The following SPTBN5 variants were observed in gnomAD, a reference collection of about 807,000 sequenced individuals.
SPTBN5 encodes spectrin beta chain, non-erythrocytic 5.
Under a neutral mutation model 477.6 loss-of-function variants are expected in SPTBN5, and 513 were observed. The ratio of observed to expected loss-of-function variants is 1.07; its 90% CI spans 1.00 to 1.16. SPTBN5 has a LOEUF of 1.16. SPTBN5 is among the 50% of genes most tolerant of loss of function. The probability of loss-of-function intolerance (pLI) is 0.00; values close to 1 mark genes in which losing one functional copy is unlikely to be tolerated. For synonymous variants in SPTBN5, 2,169 were observed against 2,011.7 expected (o/e 1.08, Z -2.09); for missense variants, 5,062 against 4,731.8 (o/e 1.07, Z -2.05).
At chr15:41,875,705 G>C in intron 21 of SPTBN5, 83 bp from the exon 22 acceptor site, 1 of 1,417,012 alleles carries the variant, frequency 7.1e-7, no homozygotes, top group Non-Finnish European at 9.4e-7. Flanking sequence ...CTGGGTGGCA[G>C]TGGAGGTGAG....
chr15:41,866,217 G>C lies in SPTBN5; in HGVS notation c.6643C>G (p.Leu2215Val), dbSNP rs776646344. Residue 2215 changes from leucine to valine, a missense_variant, in exon 38 of 68, where the codon CTC (leucine) becomes GTC (valine). Physicochemically the swap from Leu to Val is conservative, Grantham distance 32 (BLOSUM62 1). Transcript: ENST00000320955. ...GCTCGAGGGTGACTCTGTGCCAGGA[G>C]AGCCTCTCCCTTCTGGAGGGAGAGA... ...MTSVAKKGEA[L>V]LAQSHPRAGE... 3 of 1,591,594 alleles carry C rather than the reference G, an allele frequency of 1.9e-6. No homozygotes were observed. The South Asian group carries it at 3.4e-5, about 18-fold the overall frequency.
intron 56 of SPTBN5, among the ~76,000 whole-genome samples, 198 bp downstream of exon 56, chr15:41,854,584 A>G (rs1425031610): frequency 1.3e-5 from 2 of 151,900 alleles, no homozygotes; most frequent in Non-Finnish European, 2.9e-5. Flanking sequence ...GCCCCAGCCC[A>G]GGACCTACAG....
At position 41,852,942 on chromosome 15, in the gene SPTBN5, G is replaced by C; in HGVS notation, c.10229C>G (p.Ala3410Gly). The change falls in exon 60 of 68, where the codon GCC becomes GGC. Residue 3410 changes from alanine to glycine, a missense_variant. Coordinates refer to ENST00000320955, the MANE Select transcript of SPTBN5 (RefSeq NM_016642.4). ...CTCGGCACAGCGTTGCCAGCGCAGG[G>C]CCCAAGCCTCCTCCAGCTCCTGCAG... ...GRLQELEEAWALRWQRCAESW... is the reference protein window; with the variant it reads ...GRLQELEEAWGLRWQRCAESW... The C allele has an allele frequency of 6.3e-7, 1 of 1,576,644 alleles. No homozygotes were observed. Among genetic ancestry groups the C allele is most frequent in the Admixed American group, 1.9e-5 (1 of 53,526 alleles).
chr15:41,887,652 G>A lies in SPTBN5; in HGVS notation c.660-211C>T, dbSNP rs79585866. ...GCACAGGGACCAGGCTGGGGGGCTG[G>A]AGGAATCTCCAAAGGGCAGGTGCTG... On this transcript the variant is annotated intron_variant, in intron 5 of 67. Transcript: ENST00000320955. Among the ~76,000 whole-genome samples, 552 of 152,336 alleles carry A rather than the reference G, an allele frequency of 3.6e-3. 5 individuals carry two copies. The highest frequency in any genetic ancestry group is 0.012 in the African/African-American group (519 of 41,562).
intron 66 of SPTBN5, 166 bp downstream of exon 66, chr15:41,850,688 C>T (rs1375004774): frequency 7.7e-6 from 5 of 651,838 alleles, no homozygotes; most frequent in African/African-American, 3.6e-5. Context: ...AGTTGCGTAA[C>T]CTCTCCAGGA....
At chr15:41,849,550 A>G (rs2065678907) in intron 67 of SPTBN5, among the ~76,000 whole-genome samples, 1 of 152,144 alleles carries the variant, frequency 6.6e-6, no homozygotes, top group African/African-American at 2.4e-5. Flanking sequence ...GGCAGAGGGA[A>G]ACCTGGCTGC....
chr15:41,854,331 C>G, intron 56 of SPTBN5, 126 bp from the exon 57 acceptor site: 2 of 1,137,094 alleles, frequency 1.8e-6, no homozygotes, highest in Non-Finnish European at 2.4e-6. Context: ...GATGTGTCCC[C>G]AGGTACAGAA....
Position 41,874,348 on chromosome 15 carries a change from G to T in SPTBN5, c.4633C>A (p.Pro1545Thr). The T allele has an allele frequency of 6.2e-7, 1 of 1,613,882 alleles. No individual in the cohort carries two copies. Residue 1545 changes from proline to threonine, a missense_variant, in exon 24 of 68, where the codon CCC (proline) becomes ACC (threonine). Pro to Thr is a conservative substitution (Grantham distance 38). Coordinates refer to ENST00000320955, the MANE Select transcript of SPTBN5 (RefSeq NM_016642.4). ...WVAEHMPHGS[P>T]TSYTECLNGA... ...TTCAAGCACTCGGTATAGCTGGTGGGGCTGCCATGGGGCATGTGCTCGGCT... is the reference window on the plus strand; with the variant it reads ...TTCAAGCACTCGGTATAGCTGGTGGTGCTGCCATGGGGCATGTGCTCGGCT...
chr15:41,873,166 G>T lies in SPTBN5; in HGVS notation c.5007+326C>A, dbSNP rs1049449638. Among the ~76,000 whole-genome samples, 4 of 152,298 alleles carry T rather than the reference G, an allele frequency of 2.6e-5. No homozygotes were observed. In the South Asian group the frequency reaches 6.2e-4, roughly 24 times the overall value. The stretch of plus-strand genomic sequence containing the variant: ...AAGACACCTGTGGGAGATGTGGAGC[G>T]GGCTGGGCAGGTGACCTTGACAGAG... On this transcript the variant is annotated intron_variant, in intron 26 of 67. Transcript: ENST00000320955.
chr15:41,864,516 G>C (rs57177941), intron 39 of SPTBN5, among the ~76,000 whole-genome samples: 5,740 of 152,316 alleles, frequency 0.038, 365 homozygotes, highest in African/African-American at 0.13. Flanking sequence ...GTTTCACCAT[G>C]TTGGCCAGGC....
Position 41,851,367 on chromosome 15 carries a change from A to G in SPTBN5, c.10659T>C (p.Pro3553=). ...GGCAGCTGTCCCAGGAGCTCGAGCTAGGCTGTGGAGAGGAGGCGGGAAGGT... is the reference window on the plus strand; with the variant it reads ...GGCAGCTGTCCCAGGAGCTCGAGCTGGGCTGTGGAGAGGAGGCGGGAAGGT... The part of the protein sequence containing the change: ...KQHLLPGGRQ[P]SSSSWDSCRG... Residue 3553 remains proline (P), a splice_region_variant and synonymous_variant, in exon 64 of 68, where the codon CCT becomes CCC. Transcript: ENST00000320955. 6.4e-7 allele frequency: 1 copy of G among 1,550,628 alleles called. No individual in the cohort carries two copies. Among genetic ancestry groups the G allele is most frequent in the Non-Finnish European group, 8.7e-7 (1 of 1,146,864 alleles).
intron 55 of SPTBN5, 89 bp from the exon 56 acceptor site, chr15:41,855,065 C>T (rs1209963747): frequency 6.9e-7 from 1 of 1,456,032 alleles, no homozygotes; most frequent in African/African-American, 1.4e-5. Context: ...TCTGATGGCT[C>T]TGAAATCCCT....
intron 17 of SPTBN5, 61 bp from the exon 18 acceptor site, chr15:41,877,417 C>T (rs2066780490): frequency 1.9e-6 from 3 of 1,556,970 alleles, no homozygotes; most frequent in Non-Finnish European, 2.6e-6. Context: ...GCCTCCTTCT[C>T]CTCTCACCTC....
At chr15:41,876,671 G>A (rs1422753327) in intron 19 of SPTBN5, 24 bp from the exon 20 acceptor site, 1 of 1,525,058 alleles carries the variant, frequency 6.6e-7, no homozygotes, top group Non-Finnish European at 9.0e-7. Flanking sequence ...GGGGGTTGGA[G>A]GAGGGCATGG....
intron 10 of SPTBN5, 23 bp downstream of exon 10, chr15:41,882,562 G>C (rs1195980625): frequency 1.9e-6 from 3 of 1,587,202 alleles, no homozygotes; most frequent in Non-Finnish European, 2.6e-6. Context: ...GGCGACCGGC[G>C]GGCGCGCTCG....
chr15:41,867,504 C>T (rs757097893), intron 35 of SPTBN5, 34 bp downstream of exon 35: 3 of 1,602,166 alleles, frequency 1.9e-6, no homozygotes, highest in South Asian at 2.2e-5. Context: ...AACCACCACA[C>T]TCTGACCACG....
rs879483138 is a variant in SPTBN5, at chr15:41,850,108, C to A, written c.10922-149G>T. ...GCCCTTCCCACGTGGGGGTGTGGGG[C>A]GGGCTGAGCACTTGTGGGCAGGTTT... On this transcript the variant is annotated intron_variant, in intron 66 of 67. Transcript: ENST00000320955. 5 of 675,640 alleles carry A rather than the reference C, an allele frequency of 7.4e-6. No individual in the cohort carries two copies. In the Admixed American group the frequency reaches 9.6e-5, roughly 13 times the overall value. 41.9% of individuals were successfully genotyped at this position (675,640 alleles called of 1,614,324 possible). A position where few individuals can be genotyped will look rare whatever the true frequency, so the allele number is the denominator to read the frequency against.
chr15:41,855,666 G>A lies in SPTBN5; in HGVS notation c.9101C>T (p.Thr3034Ile). The A allele has an allele frequency of 6.2e-7, 1 of 1,606,568 alleles. No homozygotes were observed. The highest frequency in any genetic ancestry group is 8.5e-7 in the Non-Finnish European group (1 of 1,178,256). Reference protein sequence around the residue: ...SEDMGHSAEATQALLRRLEAT... With the variant: ...SEDMGHSAEAIQALLRRLEAT... ...CTCCAGCCGCCGCAGAAGGGCCTGT[G>A]TGGCTTCAGCACTGTGGCCCATGTC... The change falls in exon 54 of 68, where the codon ACA (threonine) becomes ATA (isoleucine). Residue 3034 changes from threonine to isoleucine, a missense_variant. Thr to Ile is a moderately conservative substitution (Grantham distance 89, BLOSUM62 -1). Coordinates refer to ENST00000320955, the MANE Select transcript of SPTBN5 (RefSeq NM_016642.4).
At chr15:41,880,986 G>T in intron 13 of SPTBN5, 48 bp downstream of exon 13, 1 of 1,504,276 alleles carries the variant, frequency 6.6e-7, no homozygotes, top group Non-Finnish European at 9.0e-7. Context: ...CACAGGAGCT[G>T]CTGGCACAGA....
Sources: gnomAD v4.1 joint callset for allele counts (sites outside exome capture counted in the v4.1 genomes callset) on GRCh38, gnomAD v4.1.1 for gene constraint, MANE v1.5 for transcripts, NCBI Gene and HGNC (gene_info 2026-07-23, HGNC 2026-07-21) for gene names.